Variants in FRMD5 observed in about 807,000 individuals in gnomAD.
FRMD5 encodes the protein FERM domain containing 5.
FRMD5 carries 20 observed loss-of-function variants against 69.0 expected under a neutral mutation model. The observed-to-expected ratio is 0.29, with a 90% CI of 0.20 to 0.42. The LOEUF (loss-of-function observed/expected upper bound fraction) is 0.42, where lower values mean the gene tolerates loss of function less well. FRMD5 is among the 10% of genes least tolerant of loss of function. The pLI is 1.00. For synonymous variants in FRMD5, 271 were observed against 260.1 expected, an observed-to-expected ratio of 1.04 and a Z score of -0.40; for missense variants, 595 against 708.6, an observed-to-expected ratio of 0.84 and a Z score of 1.82.
rs752073399 is a variant in FRMD5 at position 43,888,290 on chromosome 15, T to C, written c.793-24A>G. ...TCCTGCAAAAAATTCCACATTGATATGGCTGAGTGTGGATGGAGAAGCAAA... is the reference window on the plus strand; with the variant it reads ...TCCTGCAAAAAATTCCACATTGATACGGCTGAGTGTGGATGGAGAAGCAAA... On this transcript the variant is annotated intron_variant, in intron 9 of 13. Transcript: ENST00000417257. 3.3e-6 allele frequency: 5 copies of C among 1,504,380 alleles called. No homozygotes were observed. The South Asian group carries it at 4.5e-5, about 14-fold the overall frequency. 93.2% of individuals were successfully genotyped at this position (1,504,380 alleles called of 1,614,324 possible).
At chr15:44,086,940 A>G (rs922424916) in intron 1 of FRMD5, among the ~76,000 whole-genome samples, 1 of 152,220 alleles carries the variant, frequency 6.6e-6, no homozygotes, top group Non-Finnish European at 1.5e-5. Flanking sequence ...AAAAATCATC[A>G]TCATTCATGG....
chr15:44,153,805 CA>C (rs2077483822), intron 1 of FRMD5, among the ~76,000 whole-genome samples: 1 of 152,040 alleles, frequency 6.6e-6, no homozygotes, highest in African/African-American at 2.4e-5. Flanking sequence ...CCTGTCTCTA[CA>C]AAAATTCAGA....
intron 1 of FRMD5, among the ~76,000 whole-genome samples, chr15:44,018,230 T>C (rs1257224670): frequency 1.3e-5 from 2 of 152,210 alleles, no homozygotes; most frequent in African/African-American, 4.8e-5. Context: ...AAAGCACTTT[T>C]GACGAAAGTT....
chr15:44,132,408 T>C (rs1025146764), intron 1 of FRMD5, among the ~76,000 whole-genome samples: 1 of 152,120 alleles, frequency 6.6e-6, no homozygotes, highest in African/African-American at 2.4e-5. Context: ...ATAGTGATGA[T>C]GGTAGTACAT....
upstream of FRMD5, among the ~76,000 whole-genome samples, chr15:44,197,592 G>A (rs1284753086): frequency 6.9e-6 from 1 of 145,590 alleles, no homozygotes; most frequent in Non-Finnish European, 1.5e-5. Flanking sequence ...TGAGGCAGGA[G>A]ATTTGCTTGA....
intron 1 of FRMD5, among the ~76,000 whole-genome samples, chr15:44,170,523 CA>C (rs78781391): frequency 1.9e-3 from 251 of 132,052 alleles, no homozygotes; most frequent in Middle Eastern, 3.8e-3. Flanking sequence ...ACTTCATATC[CA>C]AAAAAAAAAA....
chr15:43,960,615 C>T (rs886270132), intron 1 of FRMD5, among the ~76,000 whole-genome samples: 5 of 149,176 alleles, frequency 3.4e-5, no homozygotes, highest in African/African-American at 1.2e-4. Context: ...AGCTCCCGAC[C>T]TCAGGTGATC....
intron 1 of FRMD5, among the ~76,000 whole-genome samples, chr15:44,162,918 T>C (rs1013154501): frequency 6.9e-6 from 1 of 145,902 alleles, no homozygotes; most frequent in Non-Finnish European, 1.5e-5. Context: ...CTCACGCCTG[T>C]AATCCCAGCA....
intron 1 of FRMD5, among the ~76,000 whole-genome samples, chr15:44,134,407 T>C (rs1308128726): frequency 6.6e-6 from 1 of 152,052 alleles, no homozygotes; most frequent in African/African-American, 2.4e-5. Flanking sequence ...GGTGTGGTAA[T>C]TGTTTAAAAA....
rs139260992 is a variant in FRMD5 at position 44,077,566 on chromosome 15, T to C, written c.102+117387A>G. 2.9e-3 allele frequency among the ~76,000 whole-genome samples: 448 copies of C among 152,060 alleles called. 5 individuals carry two copies. Among genetic ancestry groups the C allele is most frequent in the African/African-American group, 0.011 (437 of 41,570 alleles). On this transcript the variant is annotated intron_variant, in intron 1 of 13. Transcript: ENST00000417257. ...TTGATAATTCAAATAAATACAAATA[T>C]TGATGGGAAAATACTAACTTTTTAC...
intron 1 of FRMD5, among the ~76,000 whole-genome samples, chr15:44,060,995 A>G (rs1893066613): frequency 6.6e-6 from 1 of 152,194 alleles, no homozygotes; most frequent in Admixed American, 6.5e-5. Flanking sequence ...ATAAACTTTC[A>G]AACTGTAACA....
Position 43,878,175 on chromosome 15 carries a change from G to C in FRMD5, c.1136-3713C>G, listed in dbSNP as rs143188586. 9.9e-3 allele frequency among the ~76,000 whole-genome samples: 1,506 copies of C among 151,878 alleles called. 20 individuals carry two copies. The highest frequency in any genetic ancestry group is 0.034 in the African/African-American group (1,411 of 41,396). ...GTGCCACCACGCCTAGCTAATTTTCGTATTTTTTGTAGAGACAGGTTTTTG... is the reference window on the plus strand; with the variant it reads ...GTGCCACCACGCCTAGCTAATTTTCCTATTTTTTGTAGAGACAGGTTTTTG... On this transcript the variant is annotated intron_variant, in intron 13 of 13. Coordinates refer to ENST00000417257, the MANE Select transcript of FRMD5 (RefSeq NM_032892.5).
At chr15:43,923,948 T>G (rs1273296625) in intron 2 of FRMD5, among the ~76,000 whole-genome samples, 1 of 152,224 alleles carries the variant, frequency 6.6e-6, no homozygotes, top group East Asian at 1.9e-4. Flanking sequence ...CCAGCTGCTC[T>G]GCCTCCAACT....
intron 1 of FRMD5, among the ~76,000 whole-genome samples, chr15:44,129,972 C>T (rs567163237): frequency 1.1e-4 from 16 of 152,220 alleles, no homozygotes; most frequent in African/African-American, 3.6e-4. Flanking sequence ...TTGGGGAAGG[C>T]CAACCAAGGA....
At chr15:44,009,795 T>C (rs1890630288) in intron 1 of FRMD5, among the ~76,000 whole-genome samples, 1 of 152,190 alleles carries the variant, frequency 6.6e-6, no homozygotes, top group Non-Finnish European at 1.5e-5. Flanking sequence ...TGCTAAGAGC[T>C]TGCTCCAGGT....
At chr15:44,042,556 A>G (rs1175265652) in intron 1 of FRMD5, among the ~76,000 whole-genome samples, 1 of 152,242 alleles carries the variant, frequency 6.6e-6, no homozygotes, top group Non-Finnish European at 1.5e-5. Context: ...TGAATCCAGC[A>G]GCACATCAAA....
At chr15:44,116,404 C>G (rs1305406274) in intron 1 of FRMD5, among the ~76,000 whole-genome samples, 1 of 151,948 alleles carries the variant, frequency 6.6e-6, no homozygotes, top group Non-Finnish European at 1.5e-5. Flanking sequence ...GGACTAAGGA[C>G]GCCACCACAC....
upstream of FRMD5, among the ~76,000 whole-genome samples, chr15:44,196,882 A>G (rs1286191103): frequency 6.6e-6 from 1 of 151,320 alleles, no homozygotes; most frequent in Non-Finnish European, 1.5e-5. Flanking sequence ...TAGGAGCAGG[A>G]TTCTCTTTTC....
At chr15:43,993,410 G>T (rs1280158750) in intron 1 of FRMD5, among the ~76,000 whole-genome samples, 2 of 152,118 alleles carry the variant, frequency 1.3e-5, no homozygotes, top group Non-Finnish European at 2.9e-5. Flanking sequence ...GGCCAGGTTG[G>T]TCTCAATCTC....
Sources: gnomAD v4.1 joint callset for allele counts (sites outside exome capture counted in the v4.1 genomes callset) on GRCh38, gnomAD v4.1.1 for gene constraint, MANE v1.5 for transcripts, NCBI Gene and HGNC (gene_info 2026-07-23, HGNC 2026-07-21) for gene names.